ZNF804A: variants seen among roughly 807,000 people sequenced by gnomAD.
ZNF804A encodes zinc finger protein 804A.
ZNF804A carries 2 observed loss-of-function variants against 16.5 expected under a neutral mutation model. That is an observed-to-expected ratio of 0.12 (90% CI 0.05 to 0.38). The LOEUF (loss-of-function observed/expected upper bound fraction) is 0.38, where lower values mean the gene tolerates loss of function less well. Among genes scored for constraint, ZNF804A ranks in the 10% least tolerant of loss-of-function variants. The probability of loss-of-function intolerance (pLI) is 0.99; values close to 1 mark genes in which losing one functional copy is unlikely to be tolerated. For synonymous variants in ZNF804A, 534 were observed against 489.6 expected, an observed-to-expected ratio of 1.09 and a Z score of -1.20; for missense variants, 1,473 against 1,390.7, an observed-to-expected ratio of 1.06 and a Z score of -0.94.
rs563959001 is a variant in ZNF804A at position 184,920,453 on chromosome 2, A to G, written c.256-13150A>G. Among the ~76,000 whole-genome samples, 6 of 152,148 alleles carry G rather than the reference A, an allele frequency of 3.9e-5. No individual in the cohort carries two copies. In the East Asian group the frequency reaches 7.7e-4, roughly 20 times the overall value. Reference sequence around the variant, plus strand: ...GTTACTTTACGTTTCTTAAATGTCTATTTTCAAATGTCACCTTCTCAATGC... The same window carrying G: ...GTTACTTTACGTTTCTTAAATGTCTGTTTTCAAATGTCACCTTCTCAATGC... On this transcript the variant is annotated intron_variant, in intron 2 of 3. Transcript: ENST00000302277.
intron 1 of ZNF804A, among the ~76,000 whole-genome samples, chr2:184,863,661 A>G (rs902332842): frequency 6.6e-6 from 1 of 152,162 alleles, no homozygotes; most frequent in Non-Finnish European, 1.5e-5. Flanking sequence ...CTAGTTTACC[A>G]TGAAATTTCT....
chr2:184,842,064 A>T (rs1211639236), intron 1 of ZNF804A, among the ~76,000 whole-genome samples: 1 of 152,136 alleles, frequency 6.6e-6, no homozygotes, highest in Non-Finnish European at 1.5e-5. Context: ...TCCTTCCCTT[A>T]CTCATTGTAT....
intron 1 of ZNF804A, among the ~76,000 whole-genome samples, chr2:184,648,108 T>A (rs1262575053): frequency 6.6e-6 from 1 of 151,936 alleles, no homozygotes; most frequent in African/African-American, 2.4e-5. Flanking sequence ...TAAATAATTT[T>A]AAGAAAAGAA....
At chr2:184,627,466 C>G (rs550250263) in intron 1 of ZNF804A, among the ~76,000 whole-genome samples, 11 of 152,142 alleles carry the variant, frequency 7.2e-5, no homozygotes, top group Non-Finnish European at 1.5e-4. Flanking sequence ...TGAAATCTTT[C>G]TGATTTATTT....
chr2:184,704,494 G>T (rs1386610484), intron 1 of ZNF804A, among the ~76,000 whole-genome samples: 2 of 152,188 alleles, frequency 1.3e-5, no homozygotes, highest in Non-Finnish European at 2.9e-5. Flanking sequence ...GACATTGAAA[G>T]AGTGGATCCA....
intron 2 of ZNF804A, among the ~76,000 whole-genome samples, chr2:184,899,056 G>C (rs981392901): frequency 3.3e-5 from 5 of 151,884 alleles, no homozygotes; most frequent in African/African-American, 9.7e-5. Context: ...GTGGTGGTAA[G>C]ATTATTGAAT....
intron 1 of ZNF804A, among the ~76,000 whole-genome samples, chr2:184,698,816 C>T (rs750043655): frequency 3.3e-5 from 5 of 151,942 alleles, no homozygotes; most frequent in South Asian, 4.2e-4. Flanking sequence ...CAATACTGTC[C>T]GTAGGTAGAG....
chr2:184,777,540 C>T (rs968857578), intron 1 of ZNF804A, among the ~76,000 whole-genome samples: 1 of 150,540 alleles, frequency 6.6e-6, no homozygotes. Flanking sequence ...AGTGTCCTAA[C>T]TCTGAAAAAA....
rs145593447 is a variant in ZNF804A, at chr2:184,923,778, A to G, written c.256-9825A>G. Among the ~76,000 whole-genome samples the G allele has an allele frequency of 2.3e-3, 347 of 152,104 alleles. 1 individual carries two copies. The highest frequency in any genetic ancestry group is 7.7e-3 in the African/African-American group (320 of 41,542). On this transcript the variant is annotated intron_variant, in intron 2 of 3. Transcript: ENST00000302277. ...TCAGAAAGAGATGTTCAATTTTATC[A>G]AACACTTTTTCAGCATCATTTGAAA...
chr2:184,667,218 A>T (rs971665420), intron 1 of ZNF804A, among the ~76,000 whole-genome samples: 4 of 151,902 alleles, frequency 2.6e-5, no homozygotes, highest in Non-Finnish European at 5.9e-5. Context: ...TTATTTATTG[A>T]CTAGAATTGT....
At chr2:184,690,851 T>C (rs1473461228) in intron 1 of ZNF804A, among the ~76,000 whole-genome samples, 1 of 152,028 alleles carries the variant, frequency 6.6e-6, no homozygotes, top group Non-Finnish European at 1.5e-5. Context: ...CTTATATAAC[T>C]ATACATGTTA....
intron 1 of ZNF804A, among the ~76,000 whole-genome samples, chr2:184,642,364 C>T (rs996429911): frequency 2.6e-5 from 4 of 152,008 alleles, no homozygotes; most frequent in Admixed American, 6.6e-5. Context: ...CTTCCATTTT[C>T]TTTGCTTTCC....
chr2:184,855,367 A>G (rs935707441), intron 1 of ZNF804A, among the ~76,000 whole-genome samples: 1 of 152,052 alleles, frequency 6.6e-6, no homozygotes, highest in Non-Finnish European at 1.5e-5. Flanking sequence ...TTTGTTTTCA[A>G]TGGCTTGCGC....
chr2:184,784,483 G>C (rs1471321839), intron 1 of ZNF804A, among the ~76,000 whole-genome samples: 1 of 151,802 alleles, frequency 6.6e-6, no homozygotes, highest in African/African-American at 2.4e-5. Context: ...AGGTTTTGTT[G>C]GTTTGTTTTT....
At chr2:184,758,278 TA>T (rs1358989482) in intron 1 of ZNF804A, among the ~76,000 whole-genome samples, 2 of 151,946 alleles carry the variant, frequency 1.3e-5, no homozygotes, top group East Asian at 1.9e-4. Flanking sequence ...TTAGGTAATA[TA>T]AAAATGTTCT....
chr2:184,886,503 G>A (rs535311770), intron 2 of ZNF804A, among the ~76,000 whole-genome samples: 4 of 152,310 alleles, frequency 2.6e-5, no homozygotes, highest in Admixed American at 2.0e-4. Context: ...CCGTGTGGGG[G>A]CTCCAATCCC....
At chr2:184,747,868 A>G (rs1378275631) in intron 1 of ZNF804A, among the ~76,000 whole-genome samples, 1 of 151,308 alleles carries the variant, frequency 6.6e-6, no homozygotes, top group African/African-American at 2.4e-5. Context: ...TATGTGCTCA[A>G]TGTTTAACTT....
chr2:184,892,674 G>A (rs1033074753), intron 2 of ZNF804A, among the ~76,000 whole-genome samples: 14 of 151,956 alleles, frequency 9.2e-5, no homozygotes, highest in African/African-American at 3.1e-4. Flanking sequence ...ACAATATACA[G>A]GGTTTCGCCT....
At position 184,622,417 on chromosome 2, in the gene ZNF804A, T is replaced by G. The variant is rs1559110609; in HGVS notation, c.111+23347T>G. 2.6e-5 allele frequency among the ~76,000 whole-genome samples: 4 copies of G among 151,848 alleles called. No individual in the cohort carries two copies. In the South Asian group the frequency reaches 8.3e-4, roughly 32 times the overall value. ...AACAATGTTCTGATCACCCAAGACC[T>G]GGGAAAATGGAGCTTATTGAGATAA... On this transcript the variant is annotated intron_variant, in intron 1 of 3. Transcript: ENST00000302277.
Sources: allele counts gnomAD v4.1 joint callset (sites outside exome capture counted in the v4.1 genomes callset), GRCh38; gene constraint gnomAD v4.1.1; transcripts MANE v1.5; gene names NCBI Gene and HGNC (gene_info 2026-07-23, HGNC 2026-07-21).